Variants in SERTAD2 observed in about 807,000 individuals in gnomAD.
SERTAD2 encodes SERTA domain-containing protein 2.
Under a neutral mutation model 15.4 loss-of-function variants are expected in SERTAD2, and 2 were observed. That is an observed-to-expected ratio of 0.13 (90% CI 0.05 to 0.41). The LOEUF (loss-of-function observed/expected upper bound fraction) is 0.41. Ranked by LOEUF, SERTAD2 falls within the 10% of genes least tolerant of loss-of-function variation. The pLI is 0.99. For synonymous variants in SERTAD2, 180 were observed against 178.0 expected, an observed-to-expected ratio of 1.01 and a Z score of -0.09; for missense variants, 333 against 409.7, an observed-to-expected ratio of 0.81 and a Z score of 1.62.
intron 1 of SERTAD2, among the ~76,000 whole-genome samples, chr2:64,653,381 C>G (rs1172827715): frequency 6.6e-6 from 1 of 152,186 alleles, no homozygotes; most frequent in African/African-American, 2.4e-5. Flanking sequence ...GCCCTGCCCC[C>G]CAGCGGCTCA....
intron 1 of SERTAD2, among the ~76,000 whole-genome samples, chr2:64,643,702 A>G (rs1000487416): frequency 6.6e-6 from 1 of 152,148 alleles, no homozygotes; most frequent in African/African-American, 2.4e-5. Context: ...CCCCATCTCT[A>G]CTAAAAATAC....
At chr2:64,643,042 T>C (rs1674810063) in intron 1 of SERTAD2, among the ~76,000 whole-genome samples, 1 of 152,212 alleles carries the variant, frequency 6.6e-6, no homozygotes, top group Admixed American at 6.5e-5. Flanking sequence ...AAGGTGTGAC[T>C]GGTCTTGTGA....
chr2:64,640,476 T>A (rs149895532), intron 1 of SERTAD2, among the ~76,000 whole-genome samples: 4 of 5,434 alleles, frequency 7.4e-4, no homozygotes, highest in African/African-American at 9.8e-4. Flanking sequence ...CTCAGAAGCC[T>A]CTCTTTCCTC....
At chr2:64,641,255 C>T (rs1416280943) in intron 1 of SERTAD2, among the ~76,000 whole-genome samples, 5 of 152,150 alleles carry the variant, frequency 3.3e-5, no homozygotes, top group African/African-American at 1.2e-4. Flanking sequence ...TAGAAGTGTC[C>T]TCAAAAGTCA....
intron 1 of SERTAD2, among the ~76,000 whole-genome samples, chr2:64,643,369 C>T (rs140752579): frequency 6.6e-6 from 1 of 152,170 alleles, no homozygotes; most frequent in Non-Finnish European, 1.5e-5. Context: ...GGTGTACGGG[C>T]GGCTAGTGGG....
At position 64,636,885 on chromosome 2, in the gene SERTAD2, GGA is replaced by G; in HGVS notation, c.-4-12_-4-11del. On this transcript the variant is annotated splice_polypyrimidine_tract_variant and intron_variant, in intron 1 of 1. Coordinates refer to ENST00000313349, the MANE Select transcript of SERTAD2 (RefSeq NM_014755.3). ...TTTACCCAACATATATCTGCAGAGG[GGA>G]GAGAGAGGAAATGGCATTAATCACA... 6.4e-7 allele frequency: 1 copy of G among 1,561,252 alleles called. No homozygotes were observed. The highest frequency in any genetic ancestry group is 8.8e-7 in the Non-Finnish European group (1 of 1,141,590).
chr2:64,644,211 T>C (rs1008970800), intron 1 of SERTAD2, among the ~76,000 whole-genome samples: 3 of 152,148 alleles, frequency 2.0e-5, no homozygotes, highest in Non-Finnish European at 4.4e-5. Flanking sequence ...TTGGTGGTGG[T>C]GGTAGAAGAA....
At chr2:64,650,272 T>C (rs969532297) in intron 1 of SERTAD2, among the ~76,000 whole-genome samples, 1 of 152,156 alleles carries the variant, frequency 6.6e-6, no homozygotes, top group African/African-American at 2.4e-5. Context: ...ATAAAATATA[T>C]TGTGATATTT....
chr2:64,636,041 G>A lies in SERTAD2; in HGVS notation c.831C>T (p.Asp277=), dbSNP rs562552269. The A allele has an allele frequency of 4.2e-5, 68 of 1,614,118 alleles. No individual in the cohort carries two copies. In the Middle Eastern group the frequency reaches 1.2e-3, roughly 27 times the overall value. Residue 277 remains aspartate, a synonymous_variant, in exon 2 of 2, where the codon GAC becomes GAT. Coordinates refer to ENST00000313349, the MANE Select transcript of SERTAD2 (RefSeq NM_014755.3). ...TASKMAPVSA[D]DLLKTLAPYS... ...AAGGAGCCAGAGTTTTGAGGAGGTC[G>A]TCGGCAGACACAGGGGCCATTTTTG...
chr2:64,637,043 A>C (rs1674677347), intron 1 of SERTAD2, among the ~76,000 whole-genome samples, 168 bp from the exon 2 acceptor site: 1 of 152,226 alleles, frequency 6.6e-6, no homozygotes, highest in African/African-American at 2.4e-5. Flanking sequence ...GACCTTTTAC[A>C]ATAAGAGAGA....
chr2:64,643,419 C>T (rs1674819114), intron 1 of SERTAD2, among the ~76,000 whole-genome samples: 1 of 152,198 alleles, frequency 6.6e-6, no homozygotes, highest in African/African-American at 2.4e-5. Context: ...GGGTGGAGAG[C>T]ACAGCTGGGG....
At chr2:64,649,726 G>A (rs898466967) in intron 1 of SERTAD2, among the ~76,000 whole-genome samples, 17 of 152,212 alleles carry the variant, frequency 1.1e-4, no homozygotes, top group African/African-American at 4.1e-4. Flanking sequence ...GAGAAACAAA[G>A]CTGCCTTTGG....
In SERTAD2 at chr2:64,632,726, G is replaced by A. The variant is rs1674563332; in HGVS notation, c.*3201C>T. On this transcript the variant is annotated 3_prime_UTR_variant, in exon 2 of 2. Coordinates refer to ENST00000313349, the MANE Select transcript of SERTAD2 (RefSeq NM_014755.3). ...ACTGTGCATACAATGAGAAGACCTGGGGGCCTGGCTTGGACCCCCTTTTAA... is the reference window on the plus strand; with the variant it reads ...ACTGTGCATACAATGAGAAGACCTGAGGGCCTGGCTTGGACCCCCTTTTAA... The A allele has an allele frequency of 6.6e-6, 1 of 152,582 alleles. No homozygotes were observed. Among genetic ancestry groups the A allele is most frequent in the African/African-American group, 2.4e-5 (1 of 41,418 alleles). The allele number at this position is 152,582 out of a possible 1,614,324, so 9.5% of individuals were successfully genotyped here. A position where few individuals can be genotyped will look rare whatever the true frequency, so the allele number is the denominator to read the frequency against.
At chr2:64,642,825 A>T (rs1490978020) in intron 1 of SERTAD2, among the ~76,000 whole-genome samples, 8 of 152,228 alleles carry the variant, frequency 5.3e-5, no homozygotes, top group Admixed American at 4.6e-4. Flanking sequence ...TCAAAAAAAG[A>T]TGCAAAAGTC....
intron 1 of SERTAD2, among the ~76,000 whole-genome samples, chr2:64,640,429 G>C (rs890930367): frequency 1.1e-4 from 17 of 152,178 alleles, no homozygotes; most frequent in African/African-American, 4.1e-4. Context: ...GCCTGGCTCA[G>C]GCTGGCCAAG....
rs1198727774 is a variant in SERTAD2 at position 64,636,828 on chromosome 2, T to C, written c.44A>G (p.Asp15Gly). 2 of 1,613,970 alleles carry C rather than the reference T, an allele frequency of 1.2e-6. No homozygotes were observed. Among genetic ancestry groups the C allele is most frequent in the Non-Finnish European group, 1.7e-6 (2 of 1,179,896 alleles). ...GGKRKFDEHEDGLEGKIVSPC... is the reference protein window; with the variant it reads ...GGKRKFDEHEGGLEGKIVSPC... ...AGACACGATTTTGCCTTCCAGCCCATCTTCATGCTCATCAAACTTCCGTTT... is the reference window on the plus strand; with the variant it reads ...AGACACGATTTTGCCTTCCAGCCCACCTTCATGCTCATCAAACTTCCGTTT... Residue 15 changes from aspartate (D) to glycine (G), a missense_variant, in exon 2 of 2, where the codon GAT becomes GGT. Asp to Gly is a moderately conservative substitution (Grantham distance 94, BLOSUM62 -1). This residue lies in a region of SERTAD2 where 332 missense variants were observed against 392.9 expected (regional missense o/e 0.84). Transcript: ENST00000313349.
chr2:64,648,116 AC>A (rs1336956460), intron 1 of SERTAD2, among the ~76,000 whole-genome samples: 1 of 152,212 alleles, frequency 6.6e-6, no homozygotes, highest in Non-Finnish European at 1.5e-5. Flanking sequence ...GAACAATATC[AC>A]ATTTCTACAA....
Position 64,652,614 on chromosome 2 carries a change from C to A in SERTAD2, c.-5+1006G>T, listed in dbSNP as rs1675036572. 2.0e-5 allele frequency among the ~76,000 whole-genome samples: 3 copies of A among 152,168 alleles called. No homozygotes were observed. The South Asian group carries it at 6.2e-4, about 32-fold the overall frequency. ...TCTACCCTAAGCCCAACTGAGGCTGCCCAATTCGATTCAAATAAAAACTGC... is the reference window on the plus strand; with the variant it reads ...TCTACCCTAAGCCCAACTGAGGCTGACCAATTCGATTCAAATAAAAACTGC... On this transcript the variant is annotated intron_variant, in intron 1 of 1. Coordinates refer to ENST00000313349, the MANE Select transcript of SERTAD2 (RefSeq NM_014755.3).
Position 64,653,879 on chromosome 2 carries a change from GGTACGTCGTGCTCCAGCACTCGCC to G in SERTAD2, c.-288_-265del, listed in dbSNP as rs1186541785. On this transcript the variant is annotated 5_prime_UTR_variant, in exon 1 of 2. Coordinates refer to ENST00000313349, the MANE Select transcript of SERTAD2 (RefSeq NM_014755.3). The stretch of plus-strand genomic sequence containing the variant: ...GAGGGGGCGCCCTGACCGAGCGAGC[GGTACGTCGTGCTCCAGCACTCGCC>G]GTGCAGGAGTGACGTGCGGCCCGCG... 1 of 152,428 alleles carries G rather than the reference GGTACGTCGTGCTCCAGCACTCGCC, an allele frequency of 6.6e-6. No homozygotes were observed. The highest frequency in any genetic ancestry group is 1.5e-5 in the Non-Finnish European group (1 of 68,262). 9.4% of individuals were successfully genotyped at this position (152,428 alleles called of 1,614,324 possible). A position where few individuals can be genotyped will look rare whatever the true frequency, so the allele number is the denominator to read the frequency against.
Sources: allele counts gnomAD v4.1 joint callset (sites outside exome capture counted in the v4.1 genomes callset), GRCh38; gene constraint gnomAD v4.1.1; regional missense constraint gnomAD v4.1.1; transcripts MANE v1.5; gene names NCBI Gene and HGNC (gene_info 2026-07-23, HGNC 2026-07-21).